MICALL2: variants seen among roughly 807,000 people sequenced by gnomAD.
MICALL2 encodes the protein MICAL-like protein 2.
MICALL2 carries 111 observed loss-of-function variants against 91.1 expected under a neutral mutation model. The observed-to-expected ratio is 1.22, with a 90% confidence interval of 1.04 to 1.43. MICALL2 has a LOEUF of 1.43. MICALL2 is among the 40% of genes most tolerant of loss of function. The pLI is 0.00. For synonymous variants in MICALL2, 694 were observed against 525.3 expected (o/e 1.32, Z -4.39); for missense variants, 1,556 against 1,236.0 (o/e 1.26, Z -3.88).
intron 16 of MICALL2, 86 bp downstream of exon 16, chr7:1,435,013 CGG>C: frequency 7.5e-6 from 5 of 664,182 alleles, no homozygotes; most frequent in South Asian, 1.6e-5. Context: ...GCTGGAGGCC[CGG>C]TCCACCCAGC....
At chr7:1,442,508 A>AG (rs1477133094) in intron 6 of MICALL2, 24 bp from the exon 7 acceptor site, 4 of 1,515,056 alleles carry the variant, frequency 2.6e-6, no homozygotes, top group East Asian at 2.3e-5. Context: ...CGCAGGCATC[A>AG]GGCACAGCTG....
Position 1,451,130 on chromosome 7 carries a change from G to A in MICALL2, c.144-842C>T, listed in dbSNP as rs1438711920. 6.6e-5 allele frequency among the ~76,000 whole-genome samples: 10 copies of A among 152,298 alleles called. No homozygotes were observed. The highest frequency in any genetic ancestry group is 1.9e-4 in the East Asian group (1 of 5,186). On this transcript the variant is annotated intron_variant, in intron 1 of 16. Coordinates refer to ENST00000297508, the MANE Select transcript of MICALL2 (RefSeq NM_182924.4). This position sits in a 1 kb window ranked among gnomAD's most constrained non-coding sequence, Gnocchi z 4.5. The stretch of plus-strand genomic sequence containing the variant: ...ACACCACAGGGATGCAAGGGTCCCG[G>A]GAAGTTCCCGAGGTGAGGTCCCCGG...
Position 1,452,339 on chromosome 7 carries a change from G to A in MICALL2, c.144-2051C>T, listed in dbSNP as rs928892963. 9.3e-4 allele frequency among the ~76,000 whole-genome samples: 141 copies of A among 152,206 alleles called. No individual in the cohort carries two copies. Among genetic ancestry groups the A allele is most frequent in the African/African-American group, 3.0e-3 (125 of 41,532 alleles). ...CCGAGAGGGTGTGACCCGAGGGCAC[G>A]TGGGTGGCTGTCTATGCCCAGGGAC... On this transcript the variant is annotated intron_variant, in intron 1 of 16. Coordinates refer to ENST00000297508, the MANE Select transcript of MICALL2 (RefSeq NM_182924.4). The surrounding 1 kb of genome is among the most constrained non-coding windows in gnomAD (Gnocchi z 6.2).
intron 6 of MICALL2, 37 bp from the exon 7 acceptor site, chr7:1,442,521 T>C (rs1780351491): frequency 2.0e-6 from 3 of 1,507,558 alleles, no homozygotes; most frequent in Non-Finnish European, 2.7e-6. Context: ...CACAGCTGGA[T>C]CCAGGCGCCC....
intron 10 of MICALL2, 105 bp from the exon 11 acceptor site, chr7:1,438,458 C>G: frequency 3.3e-6 from 5 of 1,503,140 alleles, no homozygotes; most frequent in Non-Finnish European, 3.6e-6. Context: ...CAGCTGGCCC[C>G]AGCCCTGCCT....
At chr7:1,446,527 G>A (rs1166815190) in intron 5 of MICALL2, 186 bp downstream of exon 5, 3 of 553,966 alleles carry the variant, frequency 5.4e-6, no homozygotes, top group Non-Finnish European at 9.7e-6. Context: ...AGAGGGAGAA[G>A]GGGAGGAGAG....
intron 9 of MICALL2, chr7:1,439,622 AAC>A (rs1189751223): frequency 8.9e-5 from 29 of 327,310 alleles, no homozygotes; most frequent in Non-Finnish European, 1.2e-4. Context: ...CACATACATG[AAC>A]AGACACATGG....
chr7:1,459,234 G>A lies in MICALL2; in HGVS notation c.93C>T (p.Arg31=). 3 of 1,611,100 alleles carry A rather than the reference G, an allele frequency of 1.9e-6. No individual in the cohort carries two copies. Among genetic ancestry groups the A allele is most frequent in the Non-Finnish European group, 2.5e-6 (3 of 1,179,074 alleles). Reference sequence around the variant, plus strand: ...GGATGGCGCAGAAAGCCAGGCCGTCGCGGAACGACGTGGTCATGTTGCAGA... The same window carrying A: ...GGATGGCGCAGAAAGCCAGGCCGTCACGGAACGACGTGGTCATGTTGCAGA... ...VNICNMTTSF[R]DGLAFCAILH... Residue 31 remains arginine, a synonymous_variant, in exon 1 of 17, where the codon CGC becomes CGT. Coordinates refer to ENST00000297508, the MANE Select transcript of MICALL2 (RefSeq NM_182924.4).
chr7:1,437,637 G>T, intron 13 of MICALL2, 29 bp from the exon 14 acceptor site: 1 of 1,536,486 alleles, frequency 6.5e-7, no homozygotes, highest in Non-Finnish European at 8.7e-7. Context: ...TCTGAGGCCT[G>T]ACTCTGCCGC....
At chr7:1,448,267 AG>A (rs1390224886) in intron 3 of MICALL2, among the ~76,000 whole-genome samples, 5 of 152,242 alleles carry the variant, frequency 3.3e-5, no homozygotes, top group Non-Finnish European at 7.3e-5. Flanking sequence ...ACAGAAGCTC[AG>A]GGGTCCAGAT....
At chr7:1,450,454 C>T (rs767418806) in intron 1 of MICALL2, 166 bp from the exon 2 acceptor site, 16 of 639,540 alleles carry the variant, frequency 2.5e-5, no homozygotes, top group Admixed American at 1.1e-4. Flanking sequence ...CCAGGGCTCC[C>T]GGCCCTGCTC....
chr7:1,436,938 G>A (rs546556251), intron 14 of MICALL2, 82 bp from the exon 15 acceptor site: 24 of 995,150 alleles, frequency 2.4e-5, no homozygotes, highest in South Asian at 9.4e-5. Flanking sequence ...CCACCCAAGC[G>A]CCAGGCTCCT....
intron 16 of MICALL2, 168 bp from the exon 17 acceptor site, chr7:1,434,840 G>T (rs962029500): frequency 1.3e-6 from 1 of 772,190 alleles, no homozygotes; most frequent in Non-Finnish European, 2.0e-6. Context: ...AACCTGCCCC[G>T]ACTGGGTGCC....
intron 6 of MICALL2, among the ~76,000 whole-genome samples, chr7:1,443,824 G>A (rs983928078): frequency 6.6e-6 from 1 of 152,202 alleles, no homozygotes; most frequent in African/African-American, 2.4e-5. Context: ...AGCTGTGAGG[G>A]GGTGGATTTC....
intron 10 of MICALL2, 192 bp from the exon 11 acceptor site, chr7:1,438,545 C>G: frequency 7.0e-7 from 1 of 1,428,840 alleles, no homozygotes; most frequent in Non-Finnish European, 9.1e-7. Context: ...GGCCCAGCCC[C>G]ACCCTGCACC....
At chr7:1,443,262 C>T (rs903768210) in intron 6 of MICALL2, among the ~76,000 whole-genome samples, 12 of 151,576 alleles carry the variant, frequency 7.9e-5, no homozygotes. Context: ...CCTAGGATGC[C>T]CTGGACACCC....
In MICALL2 at chr7:1,446,842, C is replaced by T. The variant is rs751367168; in HGVS notation, c.526-14G>A. The T allele has an allele frequency of 6.5e-6, 10 of 1,548,558 alleles. No individual in the cohort carries two copies. The South Asian group carries it at 1.1e-4, about 17-fold the overall frequency. ...CAATGCCTGGTCCTGGGGAAGATGC[C>T]AGCACCTCTCTGAGCAGCCGTCCAC... On this transcript the variant is annotated splice_polypyrimidine_tract_variant and intron_variant, in intron 4 of 16. Coordinates refer to ENST00000297508, the MANE Select transcript of MICALL2 (RefSeq NM_182924.4).
chr7:1,451,220 G>A lies in MICALL2; in HGVS notation c.144-932C>T, dbSNP rs1352970525. Among the ~76,000 whole-genome samples, 1 of 152,070 alleles carries A rather than the reference G, an allele frequency of 6.6e-6. No individual in the cohort carries two copies. Among genetic ancestry groups the A allele is most frequent in the African/African-American group, 2.4e-5 (1 of 41,420 alleles). On this transcript the variant is annotated intron_variant, in intron 1 of 16. Transcript: ENST00000297508. This position sits in a 1 kb window ranked among gnomAD's most constrained non-coding sequence, Gnocchi z 4.5. ...GACAGCCCCACGTGACCTCCAGCTG[G>A]TCCTGGGACTCCTGATGGGCACCTT...
chr7:1,443,387 G>A (rs1052369906), intron 6 of MICALL2, among the ~76,000 whole-genome samples: 22 of 152,144 alleles, frequency 1.4e-4, no homozygotes, highest in Non-Finnish European at 2.2e-4. Flanking sequence ...CTGAGCAGGG[G>A]ACGCCTGCAC....
Sources: allele counts gnomAD v4.1 joint callset (sites outside exome capture counted in the v4.1 genomes callset), GRCh38; gene constraint gnomAD v4.1.1; non-coding constraint Gnocchi (gnomAD v3.1); transcripts MANE v1.5; gene names NCBI Gene and HGNC (gene_info 2026-07-23, HGNC 2026-07-21).